GRIK2: variants seen among roughly 807,000 people sequenced by gnomAD.
GRIK2 encodes the protein glutamate ionotropic receptor kainate type subunit 2, also known as glutamate receptor ionotropic, kainate 2.
A neutral mutation model predicts 100.3 loss-of-function variants in GRIK2; 32 were observed. That is an observed-to-expected ratio of 0.32 (90% CI 0.24 to 0.43). The LOEUF is 0.43. Among genes scored for constraint, GRIK2 ranks in the 20% least tolerant of loss-of-function variants. GRIK2 has a pLI of 1.00. For synonymous variants in GRIK2, 417 were observed against 389.4 expected (o/e 1.07, Z -0.83); for missense variants, 843 against 1,114.9 (o/e 0.76, Z 3.47).
chr6:102,033,057 C>G (rs1414860385), intron 14 of GRIK2, among the ~76,000 whole-genome samples: 3 of 151,040 alleles, frequency 2.0e-5, no homozygotes, highest in Non-Finnish European at 4.4e-5. Context: ...TAATTTTAGG[C>G]AAATCATTAA....
chr6:101,754,866 G>A (rs1777027861), intron 7 of GRIK2, among the ~76,000 whole-genome samples: 1 of 152,186 alleles, frequency 6.6e-6, no homozygotes, highest in South Asian at 2.1e-4. Context: ...GATGGATCAT[G>A]GGAATCAGAG....
intron 14 of GRIK2, among the ~76,000 whole-genome samples, chr6:101,964,356 G>C (rs138835791): frequency 2.4e-4 from 37 of 152,090 alleles, no homozygotes; most frequent in African/African-American, 8.9e-4. Flanking sequence ...GTTTGTGAAG[G>C]TCCTCTGATC....
intron 16 of GRIK2, among the ~76,000 whole-genome samples, chr6:102,067,226 C>T (rs562443093): frequency 6.6e-6 from 1 of 151,768 alleles, no homozygotes; most frequent in African/African-American, 2.4e-5. Context: ...TTAGCAAATG[C>T]ATTACCTCAC....
intron 10 of GRIK2, among the ~76,000 whole-genome samples, chr6:101,838,808 C>G (rs2518197): frequency 3.3e-5 from 5 of 151,656 alleles, no homozygotes; most frequent in Non-Finnish European, 7.4e-5. Context: ...CCCACCACCA[C>G]GCCTGGCTAA....
At chr6:101,998,008 G>A (rs961681334) in intron 14 of GRIK2, among the ~76,000 whole-genome samples, 7 of 151,900 alleles carry the variant, frequency 4.6e-5, no homozygotes, top group Admixed American at 3.3e-4. Context: ...TTTAACATAC[G>A]TATACATCAG....
chr6:101,422,908 T>C (rs1776484218), intron 2 of GRIK2, among the ~76,000 whole-genome samples: 1 of 152,200 alleles, frequency 6.6e-6, no homozygotes, highest in Non-Finnish European at 1.5e-5. Context: ...TGGTTTACAG[T>C]GCATTTTTTC....
intron 10 of GRIK2, among the ~76,000 whole-genome samples, chr6:101,848,217 C>G (rs1783919097): frequency 6.6e-6 from 1 of 152,198 alleles, no homozygotes; most frequent in South Asian, 2.1e-4. Flanking sequence ...GCTCTCCAAC[C>G]AAGATTCTGT....
chr6:101,454,627 T>A (rs1770894839), intron 2 of GRIK2, among the ~76,000 whole-genome samples: 1 of 152,130 alleles, frequency 6.6e-6, no homozygotes, highest in Non-Finnish European at 1.5e-5. Context: ...TTTTTATTTC[T>A]AAAACTAAAC....
At chr6:101,910,349 T>C (rs551820609) in intron 12 of GRIK2, among the ~76,000 whole-genome samples, 1 of 151,372 alleles carries the variant, frequency 6.6e-6, no homozygotes, top group African/African-American at 2.4e-5. Flanking sequence ...TTTTTTTAAA[T>C]CTTGATTTTA....
intron 10 of GRIK2, among the ~76,000 whole-genome samples, chr6:101,825,521 C>A (rs1782264756): frequency 6.6e-6 from 1 of 151,930 alleles, no homozygotes; most frequent in Non-Finnish European, 1.5e-5. Context: ...GTGCCAGAAC[C>A]TCATTTTTTA....
At chr6:101,988,132 T>TGCGC (rs112299589) in intron 14 of GRIK2, among the ~76,000 whole-genome samples, 22 of 29,548 alleles carry the variant, frequency 7.4e-4, no homozygotes, top group Non-Finnish European at 1.5e-3. Flanking sequence ...TGTGTGTGTG[T>TGCGC]GCGCGCGCGC....
At chr6:101,652,578 G>A (rs373735337) in intron 4 of GRIK2, among the ~76,000 whole-genome samples, 1 of 152,242 alleles carries the variant, frequency 6.6e-6, no homozygotes. Flanking sequence ...AAGAAAAGCA[G>A]AGAAATGAAG....
chr6:101,639,328 A>C (rs1337156451), intron 4 of GRIK2, among the ~76,000 whole-genome samples: 1 of 152,182 alleles, frequency 6.6e-6, no homozygotes, highest in Non-Finnish European at 1.5e-5. Flanking sequence ...GCCACCAAGC[A>C]CAGCCAGATA....
intron 14 of GRIK2, among the ~76,000 whole-genome samples, chr6:102,028,580 A>T: frequency 6.6e-6 from 1 of 151,296 alleles, no homozygotes; most frequent in East Asian, 1.9e-4. Context: ...ATTTACGAAA[A>T]CTTAAAAATG....
chr6:101,688,905 T>A (rs578161132), intron 7 of GRIK2, among the ~76,000 whole-genome samples: 1 of 151,920 alleles, frequency 6.6e-6, no homozygotes, highest in South Asian at 2.1e-4. Context: ...CATATAACAT[T>A]GTACCAAAAT....
At chr6:101,836,285 G>T (rs1023182235) in intron 10 of GRIK2, among the ~76,000 whole-genome samples, 1 of 151,980 alleles carries the variant, frequency 6.6e-6, no homozygotes, top group Non-Finnish European at 1.5e-5. Flanking sequence ...ACTTCATTAT[G>T]TTGAACATTC....
intron 2 of GRIK2, among the ~76,000 whole-genome samples, chr6:101,408,661 T>C (rs1428684854): frequency 1.3e-5 from 2 of 152,032 alleles, no homozygotes. Flanking sequence ...GGGTCAGTCT[T>C]TTCACTCTAT....
intron 7 of GRIK2, among the ~76,000 whole-genome samples, chr6:101,704,695 T>C (rs1046242991): frequency 1.4e-3 from 219 of 151,276 alleles, no homozygotes; most frequent in African/African-American, 4.9e-3. Context: ...AAAAAACCCA[T>C]GTAACAGAAA....
chr6:101,780,503 A>T (rs914453623), intron 7 of GRIK2, among the ~76,000 whole-genome samples: 6 of 152,238 alleles, frequency 3.9e-5, no homozygotes, highest in African/African-American at 1.4e-4. Context: ...TGAGAATTAA[A>T]TGAGATAATG....
Sources: allele counts gnomAD v4.1 joint callset (sites outside exome capture counted in the v4.1 genomes callset), GRCh38; gene constraint gnomAD v4.1.1; transcripts MANE v1.5; gene names NCBI Gene and HGNC (gene_info 2026-07-23, HGNC 2026-07-21).